Variants in OXCT1 observed in about 807,000 individuals in gnomAD.
OXCT1 encodes the protein 3-oxoacid CoA-transferase 1.
OXCT1 carries 27 observed loss-of-function variants against 69.6 expected under a neutral mutation model. The observed-to-expected ratio is 0.39, with a 90% CI of 0.29 to 0.54. The LOEUF is 0.54. Among genes scored for constraint, OXCT1 ranks in the 20% least tolerant of loss-of-function variants. The probability of loss-of-function intolerance (pLI) is 0.72; values close to 1 mark genes in which losing one functional copy is unlikely to be tolerated. For synonymous variants in OXCT1, 202 were observed against 217.8 expected, an observed-to-expected ratio of 0.93 and a Z score of 0.64; for missense variants, 437 against 650.2, an observed-to-expected ratio of 0.67 and a Z score of 3.57.
intron 15 of OXCT1, among the ~76,000 whole-genome samples, chr5:41,749,048 A>C (rs1743640406): frequency 6.6e-6 from 1 of 152,006 alleles, no homozygotes; most frequent in South Asian, 2.1e-4. Context: ...CCTACTCTAT[A>C]AAAGAGAGCA....
At chr5:41,780,194 T>G (rs1402095275) in intron 13 of OXCT1, among the ~76,000 whole-genome samples, 1 of 152,112 alleles carries the variant, frequency 6.6e-6, no homozygotes, top group African/African-American at 2.4e-5. Context: ...AAATGCAAAT[T>G]AACAAAATTG....
Position 41,803,059 on chromosome 5 carries a change from T to C in OXCT1, c.1050+10A>G. 6.3e-7 allele frequency: 1 copy of C among 1,586,798 alleles called. No individual in the cohort carries two copies. The highest frequency in any genetic ancestry group is 8.7e-7 in the Non-Finnish European group (1 of 1,155,608). On this transcript the variant is annotated intron_variant, in intron 10 of 16. Coordinates refer to ENST00000196371, the MANE Select transcript of OXCT1 (RefSeq NM_000436.4). ...AAGACTGGATTTTAGAAAACAAATT[T>C]TCATCTTACCAAACCCAGAACTCCA...
At chr5:41,813,912 A>G (rs1747106007) in intron 7 of OXCT1, among the ~76,000 whole-genome samples, 2 of 152,120 alleles carry the variant, frequency 1.3e-5, no homozygotes, top group African/African-American at 4.8e-5. Context: ...TCATCTGATC[A>G]TTAGCTTTCT....
intron 3 of OXCT1, among the ~76,000 whole-genome samples, chr5:41,858,973 A>C (rs1749590147): frequency 1.3e-5 from 2 of 152,202 alleles, no homozygotes; most frequent in South Asian, 4.1e-4. Flanking sequence ...ACTGCAGTCC[A>C]CAAATATTAA....
At chr5:41,773,420 AAAAAAAG>A (rs1025594920) in intron 13 of OXCT1, among the ~76,000 whole-genome samples, 4 of 151,822 alleles carry the variant, frequency 2.6e-5, no homozygotes, top group African/African-American at 9.6e-5. Context: ...ACGAAAAAAA[AAAAAAAG>A]AAAAAAGAAA....
chr5:41,859,885 A>G (rs901258269), intron 3 of OXCT1, among the ~76,000 whole-genome samples: 4 of 116,322 alleles, frequency 3.4e-5, no homozygotes, highest in Admixed American at 8.8e-5. Context: ...ATATATATAT[A>G]TGTAATATAT....
chr5:41,856,999 C>T (rs867748829), intron 3 of OXCT1, among the ~76,000 whole-genome samples: 1 of 152,176 alleles, frequency 6.6e-6, no homozygotes, highest in Non-Finnish European at 1.5e-5. Context: ...TCCCATCTCA[C>T]CTCATGGCAG....
chr5:41,758,704 C>A (rs1471440815), intron 14 of OXCT1, among the ~76,000 whole-genome samples: 2 of 152,152 alleles, frequency 1.3e-5, no homozygotes, highest in Non-Finnish European at 2.9e-5. Context: ...GGCAGCTCTG[C>A]AACCCGCAGC....
At chr5:41,840,670 A>G (rs2112400773) in intron 6 of OXCT1, among the ~76,000 whole-genome samples, 159 bp from the exon 7 acceptor site, 1 of 152,344 alleles carries the variant, frequency 6.6e-6, no homozygotes, top group South Asian at 2.1e-4. Flanking sequence ...AAGTTTCATA[A>G]ATATCTCATA....
At chr5:41,776,090 C>A (rs897777995) in intron 13 of OXCT1, among the ~76,000 whole-genome samples, 1 of 152,106 alleles carries the variant, frequency 6.6e-6, no homozygotes, top group Non-Finnish European at 1.5e-5. Context: ...ATCCTATAAC[C>A]CCTGATATAA....
intron 13 of OXCT1, among the ~76,000 whole-genome samples, chr5:41,783,788 G>A (rs1035389907): frequency 3.9e-5 from 6 of 152,284 alleles, no homozygotes; most frequent in Admixed American, 2.0e-4. Context: ...TTCAGTCTCT[G>A]TGTTGAACAT....
chr5:41,733,381 G>A (rs2111966669), intron 16 of OXCT1, among the ~76,000 whole-genome samples: 1 of 152,060 alleles, frequency 6.6e-6, no homozygotes, highest in South Asian at 2.1e-4. Flanking sequence ...CAAGTAGCTG[G>A]GATTACAGGC....
At position 41,870,235 on chromosome 5, in the gene OXCT1, T is replaced by C. The variant is rs749078253; in HGVS notation, c.78+46A>G. The C allele has an allele frequency of 4.8e-5, 71 of 1,466,346 alleles. No individual in the cohort carries two copies. The highest frequency in any genetic ancestry group is 4.6e-5 in the South Asian group (4 of 87,718). 90.8% of individuals were successfully genotyped at this position (1,466,346 alleles called of 1,614,324 possible). ...AACGCGGGCACCACTCAGGGTTTGG[T>C]CCACGTTCTTCCTGCCCATGGCCTT... On this transcript the variant is annotated intron_variant, in intron 1 of 16. Transcript: ENST00000196371. This position sits in a 1 kb window ranked among gnomAD's most constrained non-coding sequence, Gnocchi z 4.2.
intron 5 of OXCT1, among the ~76,000 whole-genome samples, chr5:41,847,366 T>C (rs1579869232): frequency 6.6e-6 from 1 of 152,112 alleles, no homozygotes; most frequent in Admixed American, 6.5e-5. Flanking sequence ...GAGGAACTGG[T>C]ACCATTCCTT....
chr5:41,788,954 T>A (rs1016599747), intron 13 of OXCT1, among the ~76,000 whole-genome samples: 5 of 152,120 alleles, frequency 3.3e-5, no homozygotes, highest in African/African-American at 1.2e-4. Flanking sequence ...AACTGAAAAA[T>A]TTTTAAAAAG....
intron 5 of OXCT1, among the ~76,000 whole-genome samples, chr5:41,848,211 TC>T (rs1228615682): frequency 6.6e-6 from 1 of 152,038 alleles, no homozygotes; most frequent in Non-Finnish European, 1.5e-5. Context: ...TACCTAGGAA[TC>T]CAACTTTTAC....
intron 13 of OXCT1, among the ~76,000 whole-genome samples, chr5:41,785,724 C>T (rs1745609590): frequency 6.6e-6 from 1 of 152,156 alleles, no homozygotes; most frequent in Non-Finnish European, 1.5e-5. Context: ...TAGTCAAAAG[C>T]ACATCCCAAG....
chr5:41,795,190 G>T (rs1261029937), intron 11 of OXCT1, among the ~76,000 whole-genome samples: 1 of 152,140 alleles, frequency 6.6e-6, no homozygotes, highest in Non-Finnish European at 1.5e-5. Context: ...AATGGGTTCA[G>T]TCGGGCTTCT....
At position 41,803,947 on chromosome 5, in the gene OXCT1, C is replaced by T. The variant is rs544376050; in HGVS notation, c.956-784G>A. On this transcript the variant is annotated intron_variant, in intron 9 of 16. Coordinates refer to ENST00000196371, the MANE Select transcript of OXCT1 (RefSeq NM_000436.4). ...CCTGGAACTACTGCCCACTACTGTC[C>T]ACTACCACTGCACAACAAATACCTC... 3.3e-5 allele frequency among the ~76,000 whole-genome samples: 5 copies of T among 152,160 alleles called. No individual in the cohort carries two copies. The East Asian group carries it at 9.7e-4, about 29-fold the overall frequency.
Sources: gnomAD v4.1 joint callset for allele counts (sites outside exome capture counted in the v4.1 genomes callset) on GRCh38, gnomAD v4.1.1 for gene constraint, Gnocchi (gnomAD v3.1) non-coding constraint, MANE v1.5 for transcripts, NCBI Gene and HGNC (gene_info 2026-07-23, HGNC 2026-07-21) for gene names.